Variants in RNF10 observed in about 807,000 individuals in gnomAD.
RNF10 encodes the protein E3 ubiquitin-protein ligase RNF10.
RNF10 carries 38 observed loss-of-function variants against 91.4 expected under a neutral mutation model. The observed-to-expected ratio is 0.42, with a 90% confidence interval of 0.32 to 0.54. The LOEUF (loss-of-function observed/expected upper bound fraction) is 0.54. Ranked by LOEUF, RNF10 falls within the 20% of genes least tolerant of loss-of-function variation. RNF10 has a pLI of 0.16. For missense variants in RNF10, 945 were observed against 1,012.0 expected (o/e 0.93, Z 0.90); for synonymous variants, 364 against 366.3 (o/e 0.99, Z 0.07).
At chr12:120,567,441 G>C (rs193156692) in intron 13 of RNF10, among the ~76,000 whole-genome samples, 4 of 152,108 alleles carry the variant, frequency 2.6e-5, no homozygotes, top group African/African-American at 9.7e-5. Context: ...GGTGGCTTAT[G>C]CCTGTAATCC....
chr12:120,554,851 T>C, intron 4 of RNF10, 43 bp downstream of exon 4: 1 of 1,453,326 alleles, frequency 6.9e-7, no homozygotes, highest in Non-Finnish European at 9.7e-7. Flanking sequence ...ATGGGAGCAC[T>C]AAATAAAGGC....
chr12:120,543,723 C>T (rs1021458422), intron 1 of RNF10, among the ~76,000 whole-genome samples: 2 of 152,100 alleles, frequency 1.3e-5, no homozygotes, highest in Non-Finnish European at 2.9e-5. Context: ...TTGCTTGAAC[C>T]CAGGAGTTGG....
At chr12:120,555,795 C>T (rs1171012968) in intron 4 of RNF10, among the ~76,000 whole-genome samples, 1 of 149,492 alleles carries the variant, frequency 6.7e-6, no homozygotes, top group Non-Finnish European at 1.5e-5. Flanking sequence ...CGTACCTGGC[C>T]TCTTTTTTTT....
At chr12:120,545,606 C>T (rs553322474) in intron 1 of RNF10, among the ~76,000 whole-genome samples, 1 of 151,756 alleles carries the variant, frequency 6.6e-6, no homozygotes, top group Non-Finnish European at 1.5e-5. Flanking sequence ...GGCACGATCT[C>T]GGCTCACTGC....
At chr12:120,545,973 C>T (rs1335601421) in intron 1 of RNF10, among the ~76,000 whole-genome samples, 11 of 152,198 alleles carry the variant, frequency 7.2e-5, no homozygotes, top group Admixed American at 7.2e-4. Flanking sequence ...CTAGGACAAC[C>T]CCTTGTAGTA....
chr12:120,557,237 A>G, intron 4 of RNF10, 45 bp from the exon 5 acceptor site: 1 of 1,594,032 alleles, frequency 6.3e-7, no homozygotes, highest in Non-Finnish European at 8.6e-7. Flanking sequence ...ACAGTCCCTA[A>G]TCAGTTCTTC....
At chr12:120,567,130 T>A in intron 13 of RNF10, 150 bp downstream of exon 13, 1 of 697,232 alleles carries the variant, frequency 1.4e-6, no homozygotes, top group Non-Finnish European at 2.3e-6. Context: ...TCAAATTCTT[T>A]TATTCATCTT....
intron 1 of RNF10, among the ~76,000 whole-genome samples, chr12:120,538,594 A>AT (rs1871157536): frequency 1.3e-5 from 2 of 152,210 alleles, no homozygotes; most frequent in South Asian, 4.1e-4. Flanking sequence ...CTGTGAATAT[A>AT]GCTCAGAGGA....
chr12:120,548,965 C>T lies in RNF10; in HGVS notation c.354+2364C>T, dbSNP rs150275640. On this transcript the variant is annotated intron_variant, in intron 2 of 16. Transcript: ENST00000325954. The stretch of plus-strand genomic sequence containing the variant: ...GATTACAGGCATGAGCCACCGCGCC[C>T]GGCTGAGGGATTTTAAGATTAGGGA... 3.6e-3 allele frequency among the ~76,000 whole-genome samples: 552 copies of T among 152,162 alleles called. 6 individuals are homozygous for T. Among genetic ancestry groups the T allele is most frequent in the African/African-American group, 0.013 (525 of 41,502 alleles).
intron 6 of RNF10, 53 bp downstream of exon 6, chr12:120,557,735 G>A (rs1874249999): frequency 1.9e-6 from 3 of 1,589,006 alleles, no homozygotes; most frequent in South Asian, 2.2e-5. Context: ...TCTTTAAGGT[G>A]ATTGAATATA....
At chr12:120,552,412 T>C in intron 2 of RNF10, 87 bp from the exon 3 acceptor site, 1 of 1,103,896 alleles carries the variant, frequency 9.1e-7, no homozygotes, top group Non-Finnish European at 1.3e-6. Context: ...AAAAAAAAGC[T>C]GTGTAAAAGG....
chr12:120,567,335 C>CAAAAAA, intron 13 of RNF10, among the ~76,000 whole-genome samples: 1 of 143,950 alleles, frequency 6.9e-6, no homozygotes, highest in Non-Finnish European at 1.5e-5. Context: ...TTTAATAGCT[C>CAAAAAA]AAAAAAAAAA....
chr12:120,563,354 T>C lies in RNF10; in HGVS notation c.1262T>C (p.Leu421Pro), dbSNP rs1275890783. ...TAGAGTTTGCTGCAACAGGGTGTGC[T>C]GGAGTATCTGTCTGCCTTCGATGAA... is the stretch of plus-strand genomic sequence containing the variant. Reference protein sequence around the residue: ...ESVFQPRKGVLEYLSAFDEET... With the variant: ...ESVFQPRKGVPEYLSAFDEET... The change falls in exon 9 of 17, where the codon CTG (leucine) becomes CCG (proline). Residue 421 changes from leucine to proline, a missense_variant. Transcript: ENST00000325954. The C allele has an allele frequency of 6.2e-7, 1 of 1,610,578 alleles. No homozygotes were observed. Among genetic ancestry groups the C allele is most frequent in the Admixed American group, 1.7e-5 (1 of 59,870 alleles).
At chr12:120,542,648 G>A (rs1163895913) in intron 1 of RNF10, among the ~76,000 whole-genome samples, 1 of 152,202 alleles carries the variant, frequency 6.6e-6, no homozygotes. Context: ...TGCCTCCCGG[G>A]TTCAAATGAT....
chr12:120,563,190 A>G (rs1386716424), intron 8 of RNF10, 120 bp downstream of exon 8: 1 of 1,503,196 alleles, frequency 6.7e-7, no homozygotes. Flanking sequence ...TATTTTCTGT[A>G]TGCTTGTTAT....
chr12:120,575,989 T>C (rs750004265), intron 16 of RNF10, 39 bp downstream of exon 16: 4 of 1,605,898 alleles, frequency 2.5e-6, no homozygotes, highest in Non-Finnish European at 2.6e-6. Context: ...TTGTCAAACA[T>C]ACTACACATG....
intron 14 of RNF10, among the ~76,000 whole-genome samples, chr12:120,573,759 T>A (rs969104387): frequency 6.6e-6 from 1 of 152,118 alleles, no homozygotes; most frequent in African/African-American, 2.4e-5. Context: ...CCAGGCCGTT[T>A]TAAACAACCG....
chr12:120,539,771 A>G (rs1054620839), intron 1 of RNF10, among the ~76,000 whole-genome samples: 3 of 151,360 alleles, frequency 2.0e-5, no homozygotes, highest in Non-Finnish European at 4.4e-5. Context: ...TCCATTTTGG[A>G]ATGTGTCTTG....
chr12:120,545,622 C>G (rs1300477916), intron 1 of RNF10, among the ~76,000 whole-genome samples: 1 of 151,850 alleles, frequency 6.6e-6, no homozygotes, highest in Non-Finnish European at 1.5e-5. Context: ...ACTGCAACCT[C>G]TGCCTCCCAG....
Sources: allele counts gnomAD v4.1 joint callset (sites outside exome capture counted in the v4.1 genomes callset), GRCh38; gene constraint gnomAD v4.1.1; transcripts MANE v1.5; gene names NCBI Gene and HGNC (gene_info 2026-07-23, HGNC 2026-07-21).